The following USP3 variants were observed in gnomAD, a reference collection of about 807,000 sequenced individuals.
USP3 encodes ubiquitin specific peptidase 3.
Under a neutral mutation model 72.3 loss-of-function variants are expected in USP3, and 20 were observed. The ratio of observed to expected loss-of-function variants is 0.28; its 90% confidence interval spans 0.19 to 0.40. The LOEUF is 0.40. Among genes scored for constraint, USP3 ranks in the 10% least tolerant of loss-of-function variants. The probability of loss-of-function intolerance (pLI) is 1.00; values close to 1 mark genes in which losing one functional copy is unlikely to be tolerated. For synonymous variants in USP3, 222 were observed against 225.3 expected, an observed-to-expected ratio of 0.99 and a Z score of 0.13; for missense variants, 479 against 633.9, an observed-to-expected ratio of 0.76 and a Z score of 2.62.
chr15:63,570,707 T>A lies in USP3; in HGVS notation c.908+128T>A. On this transcript the variant is annotated intron_variant, in intron 9 of 14. Transcript: ENST00000380324. The surrounding 1 kb of genome is among the most constrained non-coding windows in gnomAD (Gnocchi z 4.4). ...CATTTGCTGGAACTTTTCGTGCCCTTGAACTTTGTGACCCAGTGAACTAGC... is the reference window on the plus strand; with the variant it reads ...CATTTGCTGGAACTTTTCGTGCCCTAGAACTTTGTGACCCAGTGAACTAGC... 7.5e-7 allele frequency: 1 copy of A among 1,339,030 alleles called. No homozygotes were observed. Among genetic ancestry groups the A allele is most frequent in the Non-Finnish European group, 1.0e-6 (1 of 992,606 alleles). The allele number at this position is 1,339,030 out of a possible 1,614,324, so 82.9% of individuals were successfully genotyped here.
At position 63,529,272 on chromosome 15, in the gene USP3, T is replaced by C; in HGVS notation, c.92-3375T>C. The C allele has an allele frequency of 2.6e-6, 1 of 382,008 alleles. No individual in the cohort carries two copies. Among genetic ancestry groups the C allele is most frequent in the Non-Finnish European group, 5.0e-6 (1 of 200,328 alleles). 23.7% of individuals were successfully genotyped at this position (382,008 alleles called of 1,614,324 possible). A position where few individuals can be genotyped will look rare whatever the true frequency, so the allele number is the denominator to read the frequency against. On this transcript the variant is annotated intron_variant, in intron 1 of 14. Coordinates refer to ENST00000380324, the MANE Select transcript of USP3 (RefSeq NM_006537.4). This position sits in a 1 kb window ranked among gnomAD's most constrained non-coding sequence, Gnocchi z 4.2. ...TTTGGAAGTCAGTACTTTATTCCCT[T>C]TTACTTTCTCTCCTTATCATTACGT...
At chr15:63,512,598 C>G (rs547975907) in intron 1 of USP3, among the ~76,000 whole-genome samples, 2 of 152,152 alleles carry the variant, frequency 1.3e-5, no homozygotes, top group African/African-American at 4.8e-5. Flanking sequence ...GCAGCCACCA[C>G]CATGCCTGGC....
In USP3 at chr15:63,579,942, A is replaced by G. The variant is rs1023412133; in HGVS notation, c.1096+5539A>G. Among the ~76,000 whole-genome samples, 5 of 152,160 alleles carry G rather than the reference A, an allele frequency of 3.3e-5. No homozygotes were observed. The East Asian group carries it at 9.6e-4, about 29-fold the overall frequency. ...ACTCGTGTTGTTGTTATAAGTCTAA[A>G]TTGGCATGGTTGTTTTTGGAGGTAG... On this transcript the variant is annotated intron_variant, in intron 11 of 14. Transcript: ENST00000380324.
At position 63,570,378 on chromosome 15, in the gene USP3, C is replaced by T; in HGVS notation, c.762-55C>T. On this transcript the variant is annotated intron_variant, in intron 8 of 14. Coordinates refer to ENST00000380324, the MANE Select transcript of USP3 (RefSeq NM_006537.4). The surrounding 1 kb of genome is among the most constrained non-coding windows in gnomAD (Gnocchi z 4.4). ...ACGCCTTGGCCTCTTGCTGGTGTGG[C>T]TGGGCACAAAGAGCCCTCCACCCGG... 6.2e-7 allele frequency: 1 copy of T among 1,609,468 alleles called. No homozygotes were observed. Among genetic ancestry groups the T allele is most frequent in the Non-Finnish European group, 8.5e-7 (1 of 1,178,572 alleles).
intron 6 of USP3, 59 bp from the exon 7 acceptor site, chr15:63,559,798 C>A: frequency 6.8e-7 from 1 of 1,460,600 alleles, no homozygotes; most frequent in Non-Finnish European, 9.3e-7. Context: ...GCTTCATCAA[C>A]TTTCTTTACA....
chr15:63,538,463 C>T (rs2066192466), intron 3 of USP3, among the ~76,000 whole-genome samples: 1 of 152,040 alleles, frequency 6.6e-6, no homozygotes, highest in African/African-American at 2.4e-5. Context: ...GAATCCTTTC[C>T]ACATTGTCCT....
chr15:63,565,079 A>G (rs1311709644), intron 8 of USP3, among the ~76,000 whole-genome samples: 1 of 152,192 alleles, frequency 6.6e-6, no homozygotes, highest in Non-Finnish European at 1.5e-5. Flanking sequence ...TAAAAAGCCC[A>G]TTTTCCTTGA....
chr15:63,512,418 T>C (rs561470640), intron 1 of USP3, among the ~76,000 whole-genome samples: 1 of 151,226 alleles, frequency 6.6e-6, no homozygotes, highest in South Asian at 2.1e-4. Flanking sequence ...CTTTCTTCTT[T>C]CTTTTTCTTT....
chr15:63,552,530 G>A (rs1232738406), intron 3 of USP3, among the ~76,000 whole-genome samples: 3 of 152,120 alleles, frequency 2.0e-5, no homozygotes, highest in Admixed American at 6.5e-5. Flanking sequence ...GACTTTAGAC[G>A]CTCGGAGAAT....
chr15:63,564,703 T>C (rs1280431835), intron 8 of USP3, among the ~76,000 whole-genome samples: 1 of 152,226 alleles, frequency 6.6e-6, no homozygotes, highest in Admixed American at 6.5e-5. Flanking sequence ...GTGGAGTCTC[T>C]GGGGAAGATT....
At chr15:63,515,713 A>C (rs2065841944) in intron 1 of USP3, among the ~76,000 whole-genome samples, 1 of 152,262 alleles carries the variant, frequency 6.6e-6, no homozygotes, top group African/African-American at 2.4e-5. Flanking sequence ...GAGCAATTTC[A>C]TGAATTGTTA....
chr15:63,546,798 C>T (rs147573317), intron 3 of USP3, among the ~76,000 whole-genome samples: 3,038 of 152,032 alleles, frequency 0.02, 98 homozygotes, highest in African/African-American at 0.069. Context: ...TTAGTAGAGA[C>T]GGGGTTTCAC....
At chr15:63,531,114 A>T (rs930009441) in intron 1 of USP3, among the ~76,000 whole-genome samples, 2 of 152,204 alleles carry the variant, frequency 1.3e-5, no homozygotes, top group African/African-American at 4.8e-5. Flanking sequence ...GTTCAAAACT[A>T]AAGTTCTGTA....
At position 63,512,350 on chromosome 15, in the gene USP3, T is replaced by C. The variant is rs1213128953; in HGVS notation, c.91+7520T>C. On this transcript the variant is annotated intron_variant, in intron 1 of 14. Transcript: ENST00000380324. ...CTTCCTCTTCCTCCTCTTCCTCCTC[T>C]TCCTCTTCTTCTTCTTTCTTCTTTC... 7.0e-3 allele frequency among the ~76,000 whole-genome samples: 298 copies of C among 42,478 alleles called. 2 individuals carry two copies. Among genetic ancestry groups the C allele is most frequent in the African/African-American group, 0.021 (273 of 12,942 alleles). 27.9% of individuals were successfully genotyped at this position (42,478 alleles called of 152,430 possible).
intron 4 of USP3, among the ~76,000 whole-genome samples, chr15:63,555,067 A>G (rs2066489067): frequency 6.6e-6 from 1 of 152,216 alleles, no homozygotes; most frequent in Admixed American, 6.5e-5. Flanking sequence ...GTCAAAGGGA[A>G]AAGAGGGCAT....
chr15:63,524,433 T>G (rs559832782), intron 1 of USP3, among the ~76,000 whole-genome samples: 2 of 152,244 alleles, frequency 1.3e-5, no homozygotes, highest in African/African-American at 4.8e-5. Context: ...TATCTGTTGC[T>G]GCATGACAAA....
chr15:63,575,179 T>A (rs913935021), intron 11 of USP3, among the ~76,000 whole-genome samples: 38 of 128,148 alleles, frequency 3.0e-4, no homozygotes, highest in African/African-American at 1.1e-3. Context: ...TTTTTTTTTT[T>A]ACAAAACAAA....
intron 3 of USP3, among the ~76,000 whole-genome samples, chr15:63,547,052 G>A (rs2066339472): frequency 1.3e-5 from 2 of 152,174 alleles, no homozygotes; most frequent in African/African-American, 4.8e-5. Context: ...TTTGACCTCT[G>A]ACCACAGAGG....
chr15:63,547,394 A>T (rs2066345212), intron 3 of USP3, among the ~76,000 whole-genome samples: 2 of 152,144 alleles, frequency 1.3e-5, no homozygotes, highest in South Asian at 4.1e-4. Context: ...AAACCTAAAA[A>T]AAAAATTTTT....
Sources: allele counts gnomAD v4.1 joint callset (sites outside exome capture counted in the v4.1 genomes callset), GRCh38; gene constraint gnomAD v4.1.1; non-coding constraint Gnocchi (gnomAD v3.1); transcripts MANE v1.5; gene names NCBI Gene and HGNC (gene_info 2026-07-23, HGNC 2026-07-21).